SEMA3C: variants seen among roughly 807,000 people sequenced by gnomAD.
The protein encoded by SEMA3C is semaphorin-3C.
Under a neutral mutation model 89.4 loss-of-function variants are expected in SEMA3C, and 47 were observed. The observed-to-expected ratio is 0.53, with a 90% CI of 0.42 to 0.67. SEMA3C has a LOEUF of 0.67. SEMA3C is among the 30% of genes least tolerant of loss of function. The probability of loss-of-function intolerance (pLI) is 0.00; values close to 1 mark genes in which losing one functional copy is unlikely to be tolerated. For synonymous variants in SEMA3C, 310 were observed against 320.2 expected, an observed-to-expected ratio of 0.97 and a Z score of 0.34; for missense variants, 839 against 929.1, an observed-to-expected ratio of 0.90 and a Z score of 1.26.
intron 12 of SEMA3C, among the ~76,000 whole-genome samples, chr7:80,775,915 A>G (rs1157795796): frequency 6.6e-6 from 1 of 152,140 alleles, no homozygotes; most frequent in East Asian, 1.9e-4. Context: ...TTATTTTTAC[A>G]ATGAGCATAT....
chr7:80,858,147 G>A (rs75274214), intron 2 of SEMA3C, among the ~76,000 whole-genome samples: 1 of 152,062 alleles, frequency 6.6e-6, no homozygotes, highest in East Asian at 1.9e-4. Flanking sequence ...TGCTATCCAA[G>A]ATGGCTTATA....
rs374015625 is a variant in SEMA3C, at chr7:80,911,632, G to A, written c.103+5047C>T. Reference sequence around the variant, plus strand: ...GAATAGGACCTTTTTTTTTTTTTTTGAAAGAGAGTCTCACTCTCTTGCTCA... The same window carrying A: ...GAATAGGACCTTTTTTTTTTTTTTTAAAAGAGAGTCTCACTCTCTTGCTCA... On this transcript the variant is annotated intron_variant, in intron 2 of 17. Coordinates refer to ENST00000265361, the MANE Select transcript of SEMA3C (RefSeq NM_006379.5). Among the ~76,000 whole-genome samples, 224 of 125,434 alleles carry A rather than the reference G, an allele frequency of 1.8e-3. 2 individuals carry two copies. In the East Asian group the frequency reaches 0.026, roughly 15 times the overall value. 82.3% of individuals were successfully genotyped at this position (125,434 alleles called of 152,430 possible).
At chr7:80,750,473 T>TATATATACGCACACAC (rs869227686) in intron 16 of SEMA3C, among the ~76,000 whole-genome samples, 1 of 55,436 alleles carries the variant, frequency 1.8e-5, no homozygotes, top group Non-Finnish European at 3.5e-5. Flanking sequence ...TATATATATA[T>TATATATACGCACACAC]ACACACACAC....
chr7:80,788,288 G>A lies in SEMA3C; in HGVS notation c.1354+1018C>T, dbSNP rs2115575172. Among the ~76,000 whole-genome samples the A allele has an allele frequency of 1.3e-5, 2 of 152,294 alleles. 1 individual carries two copies. Among genetic ancestry groups the A allele is most frequent in the Non-Finnish European group, 2.9e-5 (2 of 68,026 alleles). The stretch of plus-strand genomic sequence containing the variant: ...TTACAACAAGACGTTATTGTAAAGA[G>A]TGTTATTGTAAGTGAAGAGATTTCA... On this transcript the variant is annotated intron_variant, in intron 12 of 17. Transcript: ENST00000265361.
At chr7:80,869,250 A>C (rs2116037810) in intron 2 of SEMA3C, among the ~76,000 whole-genome samples, 1 of 152,328 alleles carries the variant, frequency 6.6e-6, no homozygotes, top group South Asian at 2.1e-4. Flanking sequence ...GTTCATAATT[A>C]GCTGTAATTA....
intron 2 of SEMA3C, among the ~76,000 whole-genome samples, chr7:80,875,324 T>C (rs1479472652): frequency 1.3e-5 from 2 of 152,144 alleles, no homozygotes; most frequent in African/African-American, 4.8e-5. Context: ...TTCTCCCTAC[T>C]AAAGGGCATA....
chr7:80,844,080 T>G (rs1022635955), intron 2 of SEMA3C, among the ~76,000 whole-genome samples: 1 of 152,186 alleles, frequency 6.6e-6, no homozygotes, highest in African/African-American at 2.4e-5. Context: ...ATTTTGAATT[T>G]AAGTGCCAGT....
intron 12 of SEMA3C, among the ~76,000 whole-genome samples, chr7:80,786,818 G>C (rs1168140365): frequency 2.6e-5 from 4 of 152,182 alleles, no homozygotes; most frequent in Non-Finnish European, 5.9e-5. Flanking sequence ...ATAGCAAAGA[G>C]AGATTGAACT....
At chr7:80,839,348 A>G (rs1330811211) in intron 2 of SEMA3C, among the ~76,000 whole-genome samples, 1 of 152,138 alleles carries the variant, frequency 6.6e-6, no homozygotes, top group Admixed American at 6.6e-5. Flanking sequence ...ACTTCTGAAA[A>G]AGCTTTACTT....
chr7:80,769,275 C>T (rs1788373526), intron 12 of SEMA3C, among the ~76,000 whole-genome samples: 1 of 152,074 alleles, frequency 6.6e-6, no homozygotes, highest in African/African-American at 2.4e-5. Context: ...ACTACAGTTG[C>T]CCTATGAAAA....
chr7:80,787,657 C>A, intron 12 of SEMA3C, among the ~76,000 whole-genome samples: 1 of 152,080 alleles, frequency 6.6e-6, no homozygotes, highest in East Asian at 1.9e-4. Context: ...TGCAATACAG[C>A]AGAGGTGGCA....
chr7:80,818,451 T>A lies in SEMA3C; in HGVS notation c.328-33A>T, dbSNP rs1408214902. On this transcript the variant is annotated intron_variant, in intron 4 of 17. Coordinates refer to ENST00000265361, the MANE Select transcript of SEMA3C (RefSeq NM_006379.5). ...AATCAGTAAATAAGCAGTTAGTAACTCAATGACTTTCATTGTTATTTCAGT... is the reference window on the plus strand; with the variant it reads ...AATCAGTAAATAAGCAGTTAGTAACACAATGACTTTCATTGTTATTTCAGT... The A allele has an allele frequency of 2.5e-6, 4 of 1,595,968 alleles. No homozygotes were observed. The African/African-American group carries it at 5.4e-5, about 21-fold the overall frequency.
chr7:80,891,579 C>T (rs1451184478), intron 2 of SEMA3C, among the ~76,000 whole-genome samples: 2 of 151,456 alleles, frequency 1.3e-5, no homozygotes, highest in East Asian at 3.9e-4. Flanking sequence ...CTTTGCACAC[C>T]TATCTTTGTT....
chr7:80,767,002 C>T (rs1044213055), intron 12 of SEMA3C, among the ~76,000 whole-genome samples: 2 of 152,154 alleles, frequency 1.3e-5, no homozygotes, highest in Non-Finnish European at 2.9e-5. Context: ...GAGTCCAAGA[C>T]CCCAGAAGTA....
intron 11 of SEMA3C, among the ~76,000 whole-genome samples, chr7:80,795,370 CTCA>C (rs1183679050): frequency 6.6e-6 from 1 of 152,154 alleles, no homozygotes; most frequent in African/African-American, 2.4e-5. Context: ...CTAAGGATCA[CTCA>C]TCTGACAATT....
intron 2 of SEMA3C, among the ~76,000 whole-genome samples, chr7:80,849,147 G>C (rs1057220241): frequency 2.0e-5 from 3 of 152,128 alleles, no homozygotes; most frequent in African/African-American, 7.2e-5. Context: ...ATTCTACCAT[G>C]AGTGGATAAT....
intron 2 of SEMA3C, among the ~76,000 whole-genome samples, chr7:80,838,811 T>C (rs11767508): frequency 0.19 from 29,305 of 152,036 alleles, 3,374 homozygotes; most frequent in Middle Eastern, 0.26. Context: ...TCACTGAGAA[T>C]AGCATGAGCA....
chr7:80,917,097 A>G (rs1394143990), intron 1 of SEMA3C, among the ~76,000 whole-genome samples: 1 of 152,228 alleles, frequency 6.6e-6, no homozygotes, highest in Non-Finnish European at 1.5e-5. Context: ...AAACACTGAT[A>G]CCCAAAGGAA....
intron 2 of SEMA3C, among the ~76,000 whole-genome samples, chr7:80,871,916 T>C (rs11981013): frequency 0.14 from 21,329 of 152,082 alleles, 2,559 homozygotes; most frequent in African/African-American, 0.32. Context: ...AACCATAAAA[T>C]GCATTACATA....
Sources: allele counts gnomAD v4.1 joint callset (sites outside exome capture counted in the v4.1 genomes callset), GRCh38; gene constraint gnomAD v4.1.1; transcripts MANE v1.5; gene names NCBI Gene and HGNC (gene_info 2026-07-23, HGNC 2026-07-21).